The following GASK1B variants were observed in gnomAD, a reference collection of about 807,000 sequenced individuals.
The protein encoded by GASK1B is Golgi-associated kinase 1B.
In GASK1B, 34 loss-of-function variants were observed where a neutral mutation model predicts 42.8. That is an observed-to-expected ratio of 0.79 (90% CI 0.60 to 1.06). The LOEUF (loss-of-function observed/expected upper bound fraction) is 1.06, where lower values mean the gene tolerates loss of function less well. GASK1B is among the 50% of genes least tolerant of loss of function. The pLI, the probability that GASK1B is intolerant of heterozygous loss-of-function variation, is 0.00. For synonymous variants in GASK1B, 262 were observed against 259.1 expected, an observed-to-expected ratio of 1.01 and a Z score of -0.11; for missense variants, 686 against 661.0, an observed-to-expected ratio of 1.04 and a Z score of -0.42.
chr4:158,168,284 G>A (rs1157493237), intron 2 of GASK1B: 4 of 152,062 alleles, frequency 2.6e-5, no homozygotes, highest in East Asian at 1.9e-4. Flanking sequence ...CATAAACCCC[G>A]CCTTCAAATG....
In GASK1B at chr4:158,170,899, A is replaced by G. The variant is rs1198210414; in HGVS notation, c.477T>C (p.Ala159=). The stretch of plus-strand genomic sequence containing the variant: ...GAGCGTACCCAGGTGCTACAGCATC[A>G]GCTTCCCTTGCCGCTTCCTGCGGCT... The part of the protein sequence containing the change: ...SLQPQEAARE[A]DAVAPGYAQG... The change falls in exon 2 of 5, where the codon GCT becomes GCC. Residue 159 remains alanine, a synonymous_variant. Transcript: ENST00000585682. The G allele has an allele frequency of 1.2e-6, 2 of 1,614,254 alleles. No homozygotes were observed. Among genetic ancestry groups the G allele is most frequent in the Non-Finnish European group, 1.7e-6 (2 of 1,180,056 alleles).
intron 3 of GASK1B, among the ~76,000 whole-genome samples, chr4:158,140,921 T>A (rs4627913): frequency 0.88 from 134,012 of 152,254 alleles, 60,215 homozygotes; most frequent in East Asian, 0.98. Context: ...AATTTAAAAA[T>A]ATATACTGCA....
rs751350897 is a variant in GASK1B at position 158,155,607 on chromosome 4, T to C, written c.1125+4A>G. On this transcript the variant is annotated splice_donor_region_variant and intron_variant, in intron 3 of 4. Transcript: ENST00000585682. Reference sequence around the variant, plus strand: ...TAACTATTTGCTTGATTTGATAAACTTACCTGTAACAAAAAATCAAAGAGT... The same window carrying C: ...TAACTATTTGCTTGATTTGATAAACCTACCTGTAACAAAAAATCAAAGAGT... 1 of 1,612,194 alleles carries C rather than the reference T, an allele frequency of 6.2e-7. No homozygotes were observed. Among genetic ancestry groups the C allele is most frequent in the Admixed American group, 1.7e-5 (1 of 59,918 alleles).
chr4:158,163,470 G>A (rs1185737090), intron 2 of GASK1B, among the ~76,000 whole-genome samples: 4 of 151,888 alleles, frequency 2.6e-5, no homozygotes, highest in African/African-American at 9.7e-5. Flanking sequence ...TCAGGAGGCT[G>A]AGGCAAGAGA....
chr4:158,125,990 G>A lies in GASK1B; in HGVS notation c.*1417C>T, dbSNP rs914948269. The A allele has an allele frequency of 1.3e-5, 2 of 152,010 alleles. No homozygotes were observed. The highest frequency in any genetic ancestry group is 2.9e-5 in the Non-Finnish European group (2 of 67,972). The allele number at this position is 152,010 out of a possible 1,614,324, so 9.4% of individuals were successfully genotyped here. On this transcript the variant is annotated 3_prime_UTR_variant, in exon 5 of 5. Transcript: ENST00000585682. Reference sequence around the variant, plus strand: ...TAACCTTGACCAGAACAAAGAAAATGTGGTGTATTTCAGCAATAACAGACG... The same window carrying A: ...TAACCTTGACCAGAACAAAGAAAATATGGTGTATTTCAGCAATAACAGACG...
chr4:158,151,668 C>A (rs546900252), intron 3 of GASK1B, among the ~76,000 whole-genome samples: 12 of 31,404 alleles, frequency 3.8e-4, no homozygotes, highest in Admixed American at 9.9e-4. Context: ...ACTATGAACA[C>A]CTTTACACGC....
intron 3 of GASK1B, among the ~76,000 whole-genome samples, chr4:158,139,716 T>C (rs1731042715): frequency 6.6e-6 from 1 of 152,178 alleles, no homozygotes; most frequent in Non-Finnish European, 1.5e-5. Context: ...CATATGTTAA[T>C]ATAAATAAGA....
intron 2 of GASK1B, chr4:158,159,619 T>G (rs1262076832): frequency 3.3e-6 from 1 of 306,116 alleles, no homozygotes; most frequent in Non-Finnish European, 6.7e-6. Flanking sequence ...AGTGAAGAGA[T>G]AAAATTCTGT....
At chr4:158,172,380 T>C (rs896056050) in intron 1 of GASK1B, 3 of 152,180 alleles carry the variant, frequency 2.0e-5, no homozygotes, top group Admixed American at 6.5e-5. Context: ...ATGTAATCCT[T>C]GACTCTAATG....
intron 2 of GASK1B, 84 bp from the exon 3 acceptor site, chr4:158,155,909 G>A (rs1731742793): frequency 9.4e-7 from 1 of 1,061,842 alleles, no homozygotes; most frequent in African/African-American, 1.6e-5. Context: ...CTCTTTCACA[G>A]TCTCACGCTC....
At chr4:158,146,209 T>A (rs1189753766) in intron 3 of GASK1B, among the ~76,000 whole-genome samples, 2 of 152,074 alleles carry the variant, frequency 1.3e-5, no homozygotes, top group Non-Finnish European at 2.9e-5. Context: ...CTGCTGCTGA[T>A]AGAATTGTTA....
chr4:158,159,497 A>T (rs1160639251), intron 2 of GASK1B: 1 of 440,242 alleles, frequency 2.3e-6, no homozygotes, highest in African/African-American at 2.0e-5. Flanking sequence ...AAAACAGGAA[A>T]CTGGTTAAAG....
At chr4:158,148,669 G>A (rs73857593) in intron 3 of GASK1B, among the ~76,000 whole-genome samples, 2,799 of 152,212 alleles carry the variant, frequency 0.018, 72 homozygotes, top group African/African-American at 0.062. Flanking sequence ...GTAAAGTCTT[G>A]CAGAGACCTC....
At chr4:158,153,026 A>T (rs1195258551) in intron 3 of GASK1B, among the ~76,000 whole-genome samples, 2 of 152,224 alleles carry the variant, frequency 1.3e-5, no homozygotes, top group African/African-American at 4.8e-5. Context: ...AAAGAAATAA[A>T]GGACATCCAA....
chr4:158,151,410 T>G (rs1246184827), intron 3 of GASK1B, among the ~76,000 whole-genome samples: 4 of 152,210 alleles, frequency 2.6e-5, no homozygotes, highest in Non-Finnish European at 5.9e-5. Context: ...AAATCCCAGC[T>G]CCAGCCTTCA....
At chr4:158,149,249 A>G (rs1218863506) in intron 3 of GASK1B, among the ~76,000 whole-genome samples, 1 of 152,188 alleles carries the variant, frequency 6.6e-6, no homozygotes, top group East Asian at 1.9e-4. Flanking sequence ...CATTCGTTTC[A>G]TGCACTATAT....
At chr4:158,135,246 G>T (rs1020768630) in intron 3 of GASK1B, among the ~76,000 whole-genome samples, 2 of 149,910 alleles carry the variant, frequency 1.3e-5, no homozygotes, top group African/African-American at 4.9e-5. Flanking sequence ...ACTTGAACCC[G>T]GGAAGTGGAG....
chr4:158,162,232 G>A (rs1418535710), intron 2 of GASK1B, among the ~76,000 whole-genome samples: 1 of 151,990 alleles, frequency 6.6e-6, no homozygotes, highest in African/African-American at 2.4e-5. Context: ...GTGCCTACAG[G>A]GCCTCCTAAA....
At chr4:158,150,961 T>C (rs1731533712) in intron 3 of GASK1B, among the ~76,000 whole-genome samples, 2 of 152,226 alleles carry the variant, frequency 1.3e-5, no homozygotes, top group African/African-American at 4.8e-5. Flanking sequence ...GTTTTCTTCC[T>C]ACATTTTTGT....
Sources: allele counts gnomAD v4.1 joint callset (sites outside exome capture counted in the v4.1 genomes callset), GRCh38; gene constraint gnomAD v4.1.1; transcripts MANE v1.5; gene names NCBI Gene and HGNC (gene_info 2026-07-23, HGNC 2026-07-21).